Variants in GABRG3 observed in about 807,000 individuals in gnomAD.
GABRG3 encodes the protein gamma-aminobutyric acid type A receptor subunit gamma3, also known as gamma-aminobutyric acid receptor subunit gamma-3.
GABRG3 carries 25 observed loss-of-function variants against 48.8 expected under a neutral mutation model. The observed-to-expected ratio is 0.51, with a 90% CI of 0.37 to 0.72. The LOEUF (loss-of-function observed/expected upper bound fraction) is 0.72. Ranked by LOEUF, GABRG3 falls within the 30% of genes least tolerant of loss-of-function variation. GABRG3 has a pLI of 0.00. For missense variants in GABRG3, 394 were observed against 577.9 expected, an observed-to-expected ratio of 0.68 and a Z score of 3.26; for synonymous variants, 227 against 217.6, an observed-to-expected ratio of 1.04 and a Z score of -0.38.
intron 3 of GABRG3, among the ~76,000 whole-genome samples, chr15:27,064,177 C>G (rs375324154): frequency 4.6e-5 from 7 of 152,282 alleles, no homozygotes; most frequent in African/African-American, 1.7e-4. Context: ...AGCCTCTCCC[C>G]AGGAGGGCGC....
intron 2 of GABRG3, among the ~76,000 whole-genome samples, chr15:27,003,939 C>T (rs1277509577): frequency 1.1e-4 from 16 of 147,286 alleles, no homozygotes; most frequent in Admixed American, 4.7e-4. Flanking sequence ...CGGGCAGAGG[C>T]GCCCCTCACC....
chr15:27,267,441 G>T (rs1213380930), intron 3 of GABRG3, among the ~76,000 whole-genome samples: 2 of 85,762 alleles, frequency 2.3e-5, no homozygotes, highest in Non-Finnish European at 5.5e-5. Context: ...TTAGCTCAAG[G>T]ATTTTTTTTT....
At chr15:27,328,366 C>T (rs1290596540) in intron 4 of GABRG3, among the ~76,000 whole-genome samples, 1 of 152,180 alleles carries the variant, frequency 6.6e-6, no homozygotes, top group African/African-American at 2.4e-5. Context: ...AGAGCTACCA[C>T]CTGCCTAGTG....
intron 3 of GABRG3, among the ~76,000 whole-genome samples, chr15:27,247,216 A>T (rs571192731): frequency 6.6e-6 from 1 of 152,196 alleles, no homozygotes; most frequent in African/African-American, 2.4e-5. Context: ...CTGAGATTAT[A>T]GGCATGAGCC....
chr15:27,409,738 T>C (rs1291544613), intron 5 of GABRG3, among the ~76,000 whole-genome samples: 1 of 152,218 alleles, frequency 6.6e-6, no homozygotes, highest in African/African-American at 2.4e-5. Context: ...TCTTTATTAG[T>C]ATGTAGAAAA....
At chr15:27,080,670 CACTGGA>C (rs1896978053) in intron 3 of GABRG3, among the ~76,000 whole-genome samples, 1 of 152,174 alleles carries the variant, frequency 6.6e-6, no homozygotes, top group South Asian at 2.1e-4. Context: ...CAGGAACACA[CACTGGA>C]GAATGAGTGA....
chr15:27,129,026 G>A (rs1361457098), intron 3 of GABRG3, among the ~76,000 whole-genome samples: 2 of 152,146 alleles, frequency 1.3e-5, no homozygotes, highest in African/African-American at 4.8e-5. Flanking sequence ...GAAATTTGGG[G>A]AGGGTAAAAA....
intron 5 of GABRG3, among the ~76,000 whole-genome samples, chr15:27,469,157 C>T (rs1595775533): frequency 6.6e-6 from 1 of 152,262 alleles, no homozygotes; most frequent in South Asian, 2.1e-4. Flanking sequence ...AACAGACATG[C>T]CTCTGTTAAT....
At chr15:26,996,802 A>G (rs1452202090) in intron 2 of GABRG3, among the ~76,000 whole-genome samples, 1 of 151,900 alleles carries the variant, frequency 6.6e-6, no homozygotes, top group African/African-American at 2.4e-5. Context: ...GGCCCCTGCC[A>G]CCACGCCCAG....
intron 3 of GABRG3, among the ~76,000 whole-genome samples, chr15:27,263,890 C>T (rs938749180): frequency 3.3e-5 from 5 of 149,798 alleles, no homozygotes; most frequent in African/African-American, 7.4e-5. Flanking sequence ...CGCGCCACTG[C>T]ACTCCAGCCT....
At chr15:27,470,843 T>G (rs1889766577) in intron 5 of GABRG3, among the ~76,000 whole-genome samples, 1 of 152,054 alleles carries the variant, frequency 6.6e-6, no homozygotes, top group Non-Finnish European at 1.5e-5. Context: ...GCTAGAAAAG[T>G]TTTTCCAAAG....
intron 3 of GABRG3, among the ~76,000 whole-genome samples, chr15:27,162,453 G>T (rs1173403439): frequency 1.3e-5 from 2 of 152,190 alleles, no homozygotes; most frequent in African/African-American, 4.8e-5. Flanking sequence ...TCTCCTCCCT[G>T]TGCCACTGGC....
At chr15:27,083,345 A>ATT (rs10657484) in intron 3 of GABRG3, among the ~76,000 whole-genome samples, 71,443 of 140,694 alleles carry the variant, frequency 0.51, 19,168 homozygotes, top group East Asian at 0.78. Flanking sequence ...AGAGCTATTG[A>ATT]TTTTTTTTTT....
Position 27,285,812 on chromosome 15 carries a change from C to T in GABRG3, c.271-40997C>T, listed in dbSNP as rs1339446262. 3.3e-5 allele frequency among the ~76,000 whole-genome samples: 5 copies of T among 152,158 alleles called. 1 individual carries two copies. Among genetic ancestry groups the T allele is most frequent in the Admixed American group, 3.3e-4 (5 of 15,276 alleles). ...CTGACATCCACAAGGCAGACTGGCT[C>T]ACACTGGGCAGGAAGTGAACTGTGT... On this transcript the variant is annotated intron_variant, in intron 3 of 9. Coordinates refer to ENST00000615808, the MANE Select transcript of GABRG3 (RefSeq NM_033223.5).
chr15:26,991,155 A>G (rs1895241355), intron 2 of GABRG3, among the ~76,000 whole-genome samples: 1 of 152,114 alleles, frequency 6.6e-6, no homozygotes, highest in Non-Finnish European at 1.5e-5. Context: ...TTTTCCTAGC[A>G]CCATTTATTG....
At chr15:27,067,358 C>T (rs1340233742) in intron 3 of GABRG3, among the ~76,000 whole-genome samples, 2 of 152,208 alleles carry the variant, frequency 1.3e-5, no homozygotes, top group Non-Finnish European at 2.9e-5. Flanking sequence ...CCCATCCACC[C>T]GCACCCTTCT....
At chr15:27,063,868 CA>C (rs1471228807) in intron 3 of GABRG3, among the ~76,000 whole-genome samples, 2 of 152,126 alleles carry the variant, frequency 1.3e-5, no homozygotes, top group Non-Finnish European at 1.5e-5. Context: ...ACCTGCTGAC[CA>C]CCCGGCCTGC....
In GABRG3 at chr15:26,976,613, T is replaced by A. The variant is rs188707738; in HGVS notation, c.54-389T>A. Among the ~76,000 whole-genome samples, 1 of 152,272 alleles carries A rather than the reference T, an allele frequency of 6.6e-6. No homozygotes were observed. Among genetic ancestry groups the A allele is most frequent in the Admixed American group, 6.5e-5 (1 of 15,300 alleles). On this transcript the variant is annotated intron_variant, in intron 1 of 9. Coordinates refer to ENST00000615808, the MANE Select transcript of GABRG3 (RefSeq NM_033223.5). This position sits in a 1 kb window ranked among gnomAD's most constrained non-coding sequence, Gnocchi z 7.8. ...GGTGGTCAGGGTGGAAACACCACGATGCAGTCACCATATAGAAAACCTCTA... is the reference window on the plus strand; with the variant it reads ...GGTGGTCAGGGTGGAAACACCACGAAGCAGTCACCATATAGAAAACCTCTA...
At chr15:27,320,136 C>T (rs539496891) in intron 3 of GABRG3, among the ~76,000 whole-genome samples, 1 of 152,158 alleles carries the variant, frequency 6.6e-6, no homozygotes, top group Non-Finnish European at 1.5e-5. Context: ...GAAGCCTTCT[C>T]CCAGGCCTTG....
Sources: allele counts gnomAD v4.1 joint callset (sites outside exome capture counted in the v4.1 genomes callset), GRCh38; gene constraint gnomAD v4.1.1; non-coding constraint Gnocchi (gnomAD v3.1); transcripts MANE v1.5; gene names NCBI Gene and HGNC (gene_info 2026-07-23, HGNC 2026-07-21).